Variants in RBFOX1 observed in about 807,000 individuals in gnomAD.
The protein encoded by RBFOX1 is RNA binding fox-1 homolog 1, also known as RNA binding protein fox-1 homolog 1.
In RBFOX1, 8 loss-of-function variants were observed where a neutral mutation model predicts 57.7. The observed-to-expected ratio is 0.14, with a 90% confidence interval of 0.08 to 0.25. The LOEUF (loss-of-function observed/expected upper bound fraction) is 0.25, where lower values mean the gene tolerates loss of function less well. RBFOX1 is among the 10% of genes least tolerant of loss of function. RBFOX1 has a pLI of 1.00. For missense variants in RBFOX1, 611 were observed against 548.5 expected, an observed-to-expected ratio of 1.11 and a Z score of -1.14; for synonymous variants, 326 against 222.4, an observed-to-expected ratio of 1.47 and a Z score of -4.15.
At chr16:6,821,654 A>G (rs1403727165) in intron 3 of RBFOX1, among the ~76,000 whole-genome samples, 1 of 152,144 alleles carries the variant, frequency 6.6e-6, no homozygotes, top group Non-Finnish European at 1.5e-5. Flanking sequence ...GGCCTTTTTC[A>G]TCTGACTTCT....
chr16:7,081,034 G>A (rs149334534), intron 4 of RBFOX1, among the ~76,000 whole-genome samples: 15 of 152,088 alleles, frequency 9.9e-5, no homozygotes, highest in South Asian at 2.1e-4. Context: ...AGCCACACTG[G>A]CTTTATTTTA....
At chr16:5,870,294 C>T (rs890334386) in intron 4 of RBFOX1, among the ~76,000 whole-genome samples, 1 of 145,352 alleles carries the variant, frequency 6.9e-6, no homozygotes, top group Non-Finnish European at 1.5e-5. Flanking sequence ...GATGTATTTA[C>T]GGAGGTAACC....
rs371909773 is a variant in RBFOX1 at position 7,000,853 on chromosome 16, C to T, written c.-15-51204C>T. Reference sequence around the variant, plus strand: ...TCCTGACCTTGTGATCCGCCCGCCTCGGCCTCCCAAAGTGCTGGGATTACA... The same window carrying T: ...TCCTGACCTTGTGATCCGCCCGCCTTGGCCTCCCAAAGTGCTGGGATTACA... On this transcript the variant is annotated intron_variant, in intron 3 of 15. Transcript: ENST00000550418. 1.5e-4 allele frequency among the ~76,000 whole-genome samples: 23 copies of T among 152,176 alleles called. 2 individuals carry two copies. The highest frequency in any genetic ancestry group is 2.4e-4 in the African/African-American group (10 of 41,528).
chr16:7,156,526 T>C lies in RBFOX1; in HGVS notation c.27+104428T>C, dbSNP rs570344715. 8.1e-4 allele frequency among the ~76,000 whole-genome samples: 124 copies of C among 152,254 alleles called. 1 individual carries two copies. Among genetic ancestry groups the C allele is most frequent in the African/African-American group, 2.7e-3 (112 of 41,560 alleles). On this transcript the variant is annotated intron_variant, in intron 4 of 15. Transcript: ENST00000550418. The stretch of plus-strand genomic sequence containing the variant: ...ATACATGTACACATGCATGTAGATA[T>C]ATATGTGTACATATGCATGTAGATA...
At chr16:6,382,975 C>G (rs185445105) in intron 2 of RBFOX1, among the ~76,000 whole-genome samples, 2 of 152,200 alleles carry the variant, frequency 1.3e-5, no homozygotes, top group Non-Finnish European at 2.9e-5. Flanking sequence ...CCAGTATTTA[C>G]GCTGCAGCCA....
intron 1 of RBFOX1, among the ~76,000 whole-genome samples, chr16:6,230,616 G>T (rs1229695914): frequency 6.6e-6 from 1 of 152,198 alleles, no homozygotes; most frequent in East Asian, 1.9e-4. Flanking sequence ...GTGAGCAGAA[G>T]TATAAAGAGG....
At chr16:7,460,740 AAATG>A (rs1026544910) in intron 4 of RBFOX1, among the ~76,000 whole-genome samples, 10 of 152,092 alleles carry the variant, frequency 6.6e-5, no homozygotes, top group Non-Finnish European at 1.2e-4. Context: ...TGAGATATCT[AAATG>A]AATGAATGAA....
chr16:5,464,164 G>A (rs530462688), intron 1 of RBFOX1, among the ~76,000 whole-genome samples: 133 of 152,294 alleles, frequency 8.7e-4, no homozygotes, highest in African/African-American at 3.1e-3. Flanking sequence ...GCTGGGCTTG[G>A]GCTGTGTGGA....
intron 12 of RBFOX1, among the ~76,000 whole-genome samples, chr16:7,664,188 G>A (rs1052937116): frequency 9.2e-5 from 14 of 152,088 alleles, no homozygotes; most frequent in East Asian, 3.9e-4. Context: ...GTTTACATAC[G>A]TGTATACACT....
intron 3 of RBFOX1, among the ~76,000 whole-genome samples, chr16:6,977,144 A>T (rs1260583807): frequency 2.0e-5 from 2 of 102,054 alleles, no homozygotes; most frequent in Non-Finnish European, 3.8e-5. Context: ...TATATATTAT[A>T]TATATCATAT....
intron 3 of RBFOX1, among the ~76,000 whole-genome samples, chr16:6,886,719 C>A (rs2064118426): frequency 1.3e-5 from 2 of 150,846 alleles, no homozygotes; most frequent in African/African-American, 4.9e-5. Flanking sequence ...CGCACCACCG[C>A]ACTCCAGCGT....
chr16:6,130,451 G>C (rs886945038), intron 1 of RBFOX1, among the ~76,000 whole-genome samples: 4 of 152,046 alleles, frequency 2.6e-5, no homozygotes, highest in Admixed American at 1.3e-4. Context: ...TAATAAAAAA[G>C]AAGTCAAGAA....
intron 2 of RBFOX1, among the ~76,000 whole-genome samples, chr16:6,398,279 A>G (rs529714603): frequency 1.3e-5 from 2 of 152,268 alleles, no homozygotes; most frequent in Admixed American, 1.3e-4. Flanking sequence ...AGATTTCGGT[A>G]TAGCCAAAGC....
intron 1 of RBFOX1, among the ~76,000 whole-genome samples, chr16:5,312,148 G>T (rs1317130327): frequency 6.6e-6 from 1 of 152,172 alleles, no homozygotes; most frequent in African/African-American, 2.4e-5. Flanking sequence ...TACTAACATG[G>T]AATGCGTGTT....
intron 2 of RBFOX1, among the ~76,000 whole-genome samples, chr16:6,554,502 T>A (rs2097056929): frequency 6.6e-6 from 1 of 152,168 alleles, no homozygotes; most frequent in African/African-American, 2.4e-5. Context: ...AGCTACTGAA[T>A]CGTGTACCCT....
intron 5 of RBFOX1, among the ~76,000 whole-genome samples, chr16:7,566,194 T>G (rs986490006): frequency 6.6e-6 from 1 of 152,124 alleles, no homozygotes; most frequent in African/African-American, 2.4e-5. Flanking sequence ...AACCTGTCAG[T>G]GAGGGCTTAA....
chr16:6,686,433 C>G (rs145648334), intron 3 of RBFOX1, among the ~76,000 whole-genome samples: 1 of 152,158 alleles, frequency 6.6e-6, no homozygotes, highest in Non-Finnish European at 1.5e-5. Context: ...GCGCAGGCCT[C>G]CGTTGTACTC....
intron 3 of RBFOX1, among the ~76,000 whole-genome samples, chr16:5,783,505 A>T (rs1185319409): frequency 1.3e-5 from 2 of 152,198 alleles, no homozygotes; most frequent in African/African-American, 4.8e-5. Flanking sequence ...GGATAGAAAA[A>T]AATCACCCTC....
chr16:6,852,794 C>G (rs1264046479), intron 3 of RBFOX1, among the ~76,000 whole-genome samples: 1 of 151,694 alleles, frequency 6.6e-6, no homozygotes, highest in Non-Finnish European at 1.5e-5. Context: ...ATGCTGGGAA[C>G]TAGCTGTCCA....
Sources: allele counts gnomAD v4.1 joint callset (sites outside exome capture counted in the v4.1 genomes callset), GRCh38; gene constraint gnomAD v4.1.1; transcripts MANE v1.5; gene names NCBI Gene and HGNC (gene_info 2026-07-23, HGNC 2026-07-21).